Variants in CAD observed in about 807,000 individuals in gnomAD.
The protein encoded by CAD is multifunctional protein CAD.
A neutral mutation model predicts 237.2 loss-of-function variants in CAD; 81 were observed. That is an observed-to-expected ratio of 0.34 (90% confidence interval 0.29 to 0.41). The LOEUF is 0.41. Among genes scored for constraint, CAD ranks in the 10% least tolerant of loss-of-function variants. The pLI is 1.00. For missense variants in CAD, 2,181 were observed against 2,951.7 expected, an observed-to-expected ratio of 0.74 and a Z score of 6.05; for synonymous variants, 1,196 against 1,162.8, an observed-to-expected ratio of 1.03 and a Z score of -0.58.
In CAD at chr2:27,233,027, C is replaced by T; in HGVS notation, c.2893-15C>T. Reference sequence around the variant, plus strand: ...CCCACCTGACTGCTAAGTACCCTTCCCCTCCCTCTTGCAGATGGGATATAA... The same window carrying T: ...CCCACCTGACTGCTAAGTACCCTTCTCCTCCCTCTTGCAGATGGGATATAA... On this transcript the variant is annotated splice_polypyrimidine_tract_variant and intron_variant, in intron 18 of 43. Coordinates refer to ENST00000264705, the MANE Select transcript of CAD (RefSeq NM_004341.5). This position sits in a 1 kb window ranked among gnomAD's most constrained non-coding sequence, Gnocchi z 6.3. The T allele has an allele frequency of 1.3e-6, 2 of 1,525,718 alleles. No individual in the cohort carries two copies. The highest frequency in any genetic ancestry group is 1.8e-6 in the Non-Finnish European group (2 of 1,099,350). 94.5% of individuals were successfully genotyped at this position (1,525,718 alleles called of 1,614,324 possible).
In CAD at chr2:27,224,960, C is replaced by G. The variant is rs539264086; in HGVS notation, c.1387-50C>G. On this transcript the variant is annotated intron_variant, in intron 10 of 43. Transcript: ENST00000264705. ...CTGTGGGTTATTAAACTTTGATTGC[C>G]TCTCTACCCACAAGGTTCTGATGCC... 3.1e-6 allele frequency: 5 copies of G among 1,606,682 alleles called. No individual in the cohort carries two copies. In the South Asian group the frequency reaches 5.5e-5, roughly 18 times the overall value.
At position 27,241,514 on chromosome 2, in the gene CAD, G is replaced by T. The variant is rs1676317236; in HGVS notation, c.5883+118G>T. On this transcript the variant is annotated intron_variant, in intron 38 of 43. Transcript: ENST00000264705. This position sits in a 1 kb window ranked among gnomAD's most constrained non-coding sequence, Gnocchi z 4.6. ...TCCCCCTGCCATCCCGTCCCCTTAT[G>T]CTAGTCCATCCCTCTGCTGCTGTAG... 1.1e-6 allele frequency: 1 copy of T among 940,762 alleles called. No homozygotes were observed. Among genetic ancestry groups the T allele is most frequent in the Non-Finnish European group, 1.7e-6 (1 of 589,042 alleles). The allele number at this position is 940,762 out of a possible 1,614,324, so 58.3% of individuals were successfully genotyped here.
At position 27,241,206 on chromosome 2, in the gene CAD, C is replaced by T. The variant is rs1433866834; in HGVS notation, c.5787C>T (p.Val1929=). 2 of 1,612,474 alleles carry T rather than the reference C, an allele frequency of 1.2e-6. No individual in the cohort carries two copies. The highest frequency in any genetic ancestry group is 1.7e-5 in the Admixed American group (1 of 59,772). ...HSLVGQHILS[V]QQFTKDQMSH... ...TAGTGGGCCAACATATCCTGTCCGTCCAGCAGTTCACCAAGGATCAGGTGC... is the reference window on the plus strand; with the variant it reads ...TAGTGGGCCAACATATCCTGTCCGTTCAGCAGTTCACCAAGGATCAGGTGC... The change falls in exon 37 of 44, where the codon GTC becomes GTT. Residue 1929 remains valine, a synonymous_variant. Coordinates refer to ENST00000264705, the MANE Select transcript of CAD (RefSeq NM_004341.5). This position sits in a 1 kb window ranked among gnomAD's most constrained non-coding sequence, Gnocchi z 4.6.
chr2:27,226,943 G>A lies in CAD; in HGVS notation c.2268G>A (p.Gly756=). 1 of 1,614,170 alleles carries A rather than the reference G, an allele frequency of 6.2e-7. No individual in the cohort carries two copies. Among genetic ancestry groups the A allele is most frequent in the Non-Finnish European group, 8.5e-7 (1 of 1,180,028 alleles). The change falls in exon 15 of 44, where the codon GGG becomes GGA. Residue 756 remains glycine (G), a synonymous_variant. Transcript: ENST00000264705. ...SKFLRVSTKI[G]SCMKSVGEVM... ...TCCTGCGAGTCAGCACAAAGATTGG[G>A]AGCTGCATGAAGAGCGTTGGTGAGA...
chr2:27,217,755 C>T (rs892823536), intron 1 of CAD, 122 bp downstream of exon 1: 2 of 1,427,734 alleles, frequency 1.4e-6, no homozygotes, highest in Non-Finnish European at 1.9e-6. Flanking sequence ...CATTCGGTGC[C>T]CATGGGCCCC....
Position 27,238,113 on chromosome 2 carries a change from G to T in CAD, c.4786G>T (p.Val1596Leu). 6.2e-7 allele frequency: 1 copy of T among 1,614,166 alleles called. No individual in the cohort carries two copies. The highest frequency in any genetic ancestry group is 1.1e-5 in the South Asian group (1 of 91,080). Residue 1596 changes from valine (V) to leucine (L), a missense_variant, in exon 30 of 44, where the codon GTG (valine) becomes TTG (leucine). By Grantham distance (32) the Val-to-Leu change is conservative. Transcript: ENST00000264705. ...PIVAHAEQQT[V>L]AAVLMVAQLT... ...TGTGGCTCACGCAGAGCAGCAAACC[G>T]TGGCTGCTGTCCTCATGGTGGCTCA...
Position 27,243,616 on chromosome 2 carries a change from TC to T in CAD, c.*100del. 2.2e-6 allele frequency: 2 copies of T among 917,912 alleles called. No individual in the cohort carries two copies. The highest frequency in any genetic ancestry group is 3.4e-6 in the Non-Finnish European group (2 of 588,964). 56.9% of individuals were successfully genotyped at this position (917,912 alleles called of 1,614,324 possible). A position where few individuals can be genotyped will look rare whatever the true frequency, so the allele number is the denominator to read the frequency against. ...CAGCACACTTAGATATTCCTGGACA[TC>T]CAGATAGCTCACATGTGCTGACCAC... is the stretch of plus-strand genomic sequence containing the variant. On this transcript the variant is annotated 3_prime_UTR_variant, in exon 44 of 44. Transcript: ENST00000264705.
chr2:27,237,809 C>T lies in CAD; in HGVS notation c.4655C>T (p.Ala1552Val), dbSNP rs1041556030. ...ACCTTGGGCACCGTGGCCGGGTCTGCAGCCGGGCTGAAGCTTTACCTCAAT... is the reference window on the plus strand; with the variant it reads ...ACCTTGGGCACCGTGGCCGGGTCTGTAGCCGGGCTGAAGCTTTACCTCAAT... Reference protein sequence around the residue: ...AGTLGTVAGSAAGLKLYLNET... With the variant: ...AGTLGTVAGSVAGLKLYLNET... Residue 1552 changes from alanine to valine, a missense_variant, in exon 29 of 44, where the codon GCA becomes GTA. By Grantham distance (64) the Ala-to-Val change is moderately conservative. Coordinates refer to ENST00000264705, the MANE Select transcript of CAD (RefSeq NM_004341.5). The surrounding 1 kb of genome is among the most constrained non-coding windows in gnomAD (Gnocchi z 4.0). The T allele has an allele frequency of 3.1e-6, 5 of 1,614,104 alleles. No homozygotes were observed. Among genetic ancestry groups the T allele is most frequent in the Admixed American group, 1.7e-5 (1 of 60,008 alleles).
intron 14 of CAD, 39 bp downstream of exon 14, chr2:27,226,688 T>C: frequency 3.1e-6 from 5 of 1,611,554 alleles, no homozygotes; most frequent in Non-Finnish European, 4.2e-6. Flanking sequence ...GGGAAGTGGG[T>C]CGGGGGCTGA....
chr2:27,223,224 A>G (rs1462553503), intron 6 of CAD, among the ~76,000 whole-genome samples, 187 bp downstream of exon 6: 2 of 152,170 alleles, frequency 1.3e-5, no homozygotes, highest in Non-Finnish European at 2.9e-5. Context: ...GGAGGTCAGG[A>G]GTTCGAGACC....
chr2:27,233,944 C>T lies in CAD; in HGVS notation c.3400-64C>T, dbSNP rs1675884505. The T allele has an allele frequency of 9.6e-6, 15 of 1,555,046 alleles. No individual in the cohort carries two copies. The South Asian group carries it at 1.1e-4, about 12-fold the overall frequency. ...ATGTGGGGCTCGTTAAAGGAAGAGA[C>T]AATCCTAGAGTAAGTGAGAGAAGAA... On this transcript the variant is annotated intron_variant, in intron 21 of 43. Transcript: ENST00000264705. The surrounding 1 kb of genome is among the most constrained non-coding windows in gnomAD (Gnocchi z 6.3).
Position 27,234,993 on chromosome 2 carries a change from G to A in CAD, c.3787-252G>A, listed in dbSNP as rs565154650. Among the ~76,000 whole-genome samples, 8 of 152,302 alleles carry A rather than the reference G, an allele frequency of 5.3e-5. No individual in the cohort carries two copies. The South Asian group carries it at 1.7e-3, about 32-fold the overall frequency. On this transcript the variant is annotated intron_variant, in intron 23 of 43. Coordinates refer to ENST00000264705, the MANE Select transcript of CAD (RefSeq NM_004341.5). ...CTTCCAAAAGGGGTGATCTGGGAAGGCTTGAGCGAAGGGGTGCTATTTGAA... is the reference window on the plus strand; with the variant it reads ...CTTCCAAAAGGGGTGATCTGGGAAGACTTGAGCGAAGGGGTGCTATTTGAA...
At position 27,240,903 on chromosome 2, in the gene CAD, G is replaced by A; in HGVS notation, c.5594-8G>A. 6.2e-7 allele frequency: 1 copy of A among 1,614,068 alleles called. No individual in the cohort carries two copies. The highest frequency in any genetic ancestry group is 8.5e-7 in the Non-Finnish European group (1 of 1,179,974). On this transcript the variant is annotated splice_polypyrimidine_tract_variant and splice_region_variant and intron_variant, in intron 35 of 43. Coordinates refer to ENST00000264705, the MANE Select transcript of CAD (RefSeq NM_004341.5). This position sits in a 1 kb window ranked among gnomAD's most constrained non-coding sequence, Gnocchi z 4.6. Reference sequence around the variant, plus strand: ...AAATGTATATCTGTCCTCTTGTCCTGTTTGCAGCTGAGGAGCCAAAGGAGA... The same window carrying A: ...AAATGTATATCTGTCCTCTTGTCCTATTTGCAGCTGAGGAGCCAAAGGAGA...
Position 27,243,555 on chromosome 2 carries a change from C to A in CAD, c.*37C>A. 1 of 1,497,366 alleles carries A rather than the reference C, an allele frequency of 6.7e-7. No homozygotes were observed. The highest frequency in any genetic ancestry group is 9.1e-7 in the Non-Finnish European group (1 of 1,097,190). 92.8% of individuals were successfully genotyped at this position (1,497,366 alleles called of 1,614,324 possible). A position where few individuals can be genotyped will look rare whatever the true frequency, so the allele number is the denominator to read the frequency against. On this transcript the variant is annotated 3_prime_UTR_variant, in exon 44 of 44. Coordinates refer to ENST00000264705, the MANE Select transcript of CAD (RefSeq NM_004341.5). ...CTCAGCCTCTTCTCTTTAGGCCCAGCTGCTGGGCAAGGAATTCCAGTGCCT... is the reference window on the plus strand; with the variant it reads ...CTCAGCCTCTTCTCTTTAGGCCCAGATGCTGGGCAAGGAATTCCAGTGCCT...
chr2:27,240,979 C>A lies in CAD; in HGVS notation c.5638+24C>A. 2 of 1,614,124 alleles carry A rather than the reference C, an allele frequency of 1.2e-6. No homozygotes were observed. Among genetic ancestry groups the A allele is most frequent in the African/African-American group, 2.7e-5 (2 of 75,018 alleles). On this transcript the variant is annotated intron_variant, in intron 36 of 43. Transcript: ENST00000264705. The surrounding 1 kb of genome is among the most constrained non-coding windows in gnomAD (Gnocchi z 4.6). Reference sequence around the variant, plus strand: ...AGGTGAGACTCCACCCTGACACACACTCACCTCGGGGACCTCTGATCTGGC... The same window carrying A: ...AGGTGAGACTCCACCCTGACACACAATCACCTCGGGGACCTCTGATCTGGC...
In CAD at chr2:27,232,112, G is replaced by A. The variant is rs368446772; in HGVS notation, c.2533G>A (p.Ala845Thr). The change falls in exon 17 of 44, where the codon GCA becomes ACA. Residue 845 changes from alanine (A) to threonine (T), a missense_variant. Around this residue, in one of 12 missense-constraint regions of CAD, gnomAD observed 385 missense variants for 535.1 expected, o/e 0.72. Transcript: ENST00000264705. The surrounding 1 kb of genome is among the most constrained non-coding windows in gnomAD (Gnocchi z 4.1). ...CCTGCACCGAATGAAGCGTATCATC[G>A]CACATGCCCAGCTGCTAGAACAACA... Reference protein sequence around the residue: ...WFLHRMKRIIAHAQLLEQHRG... With the variant: ...WFLHRMKRIITHAQLLEQHRG... 1.7e-5 allele frequency: 27 copies of A among 1,614,088 alleles called. No homozygotes were observed. The Admixed American group carries it at 3.0e-4, about 18-fold the overall frequency.
Position 27,239,917 on chromosome 2 carries a change from G to A in CAD, c.5496+119G>A. ...GGGGTTTTCTTGAGGGACTGAATTT[G>A]AAGTGGGGTTGGGTCAATTATTTTT... is the stretch of plus-strand genomic sequence containing the variant. On this transcript the variant is annotated intron_variant, in intron 34 of 43. Coordinates refer to ENST00000264705, the MANE Select transcript of CAD (RefSeq NM_004341.5). The surrounding 1 kb of genome is among the most constrained non-coding windows in gnomAD (Gnocchi z 4.0). 1 of 735,872 alleles carries A rather than the reference G, an allele frequency of 1.4e-6. No homozygotes were observed. The highest frequency in any genetic ancestry group is 2.4e-4 in the Middle Eastern group (1 of 4,112). 45.6% of individuals were successfully genotyped at this position (735,872 alleles called of 1,614,324 possible). A position where few individuals can be genotyped will look rare whatever the true frequency, so the allele number is the denominator to read the frequency against.
At chr2:27,230,070 TC>T (rs541131893) in intron 15 of CAD, among the ~76,000 whole-genome samples, 23 of 151,126 alleles carry the variant, frequency 1.5e-4, no homozygotes, top group Non-Finnish European at 3.4e-4. Context: ...AAACCCCGTC[TC>T]TACTAAAAAT....
chr2:27,224,582 T>C (rs940105625), intron 9 of CAD, 92 bp downstream of exon 9: 1 of 1,559,108 alleles, frequency 6.4e-7, no homozygotes, highest in Admixed American at 1.8e-5. Context: ...AGGGAGGAAA[T>C]GAACCAGATT....
Sources: gnomAD v4.1 joint callset for allele counts (sites outside exome capture counted in the v4.1 genomes callset) on GRCh38, gnomAD v4.1.1 for gene constraint, gnomAD v4.1.1 regional missense constraint, Gnocchi (gnomAD v3.1) non-coding constraint, MANE v1.5 for transcripts, NCBI Gene and HGNC (gene_info 2026-07-23, HGNC 2026-07-21) for gene names.